The following CDC123 variants were observed in gnomAD, a reference collection of about 807,000 sequenced individuals.
The protein encoded by CDC123 is cell division cycle 123.
In CDC123, 37 loss-of-function variants were observed where a neutral mutation model predicts 54.4. The observed-to-expected ratio is 0.68, with a 90% CI of 0.52 to 0.89. The LOEUF (loss-of-function observed/expected upper bound fraction) is 0.89, where lower values mean the gene tolerates loss of function less well. Ranked by LOEUF, CDC123 falls within the 40% of genes least tolerant of loss-of-function variation. CDC123 has a pLI of 0.00. For missense variants in CDC123, 361 were observed against 412.1 expected, an observed-to-expected ratio of 0.88 and a Z score of 1.07; for synonymous variants, 144 against 136.8, an observed-to-expected ratio of 1.05 and a Z score of -0.37.
At chr10:12,210,156 A>G (rs1012873509) in intron 3 of CDC123, 132 bp downstream of exon 3, 130 of 1,422,270 alleles carry the variant, frequency 9.1e-5, no homozygotes, top group Admixed American at 7.8e-4. Flanking sequence ...ACTTTGACAT[A>G]TATTTTCACA....
intron 4 of CDC123, among the ~76,000 whole-genome samples, chr10:12,214,497 C>T (rs1033677470): frequency 5.3e-5 from 8 of 152,138 alleles, no homozygotes; most frequent in African/African-American, 1.2e-4. Flanking sequence ...AAGCTGAAGT[C>T]GTCTAGTGGA....
At chr10:12,243,769 G>A (rs1213625381) in intron 10 of CDC123, among the ~76,000 whole-genome samples, 2 of 150,048 alleles carry the variant, frequency 1.3e-5, no homozygotes, top group African/African-American at 4.9e-5. Context: ...GAGTGACAGA[G>A]CGAGACTCCA....
intron 6 of CDC123, among the ~76,000 whole-genome samples, chr10:12,229,169 G>A (rs1835866803): frequency 6.6e-6 from 1 of 152,230 alleles, no homozygotes; most frequent in Non-Finnish European, 1.5e-5. Flanking sequence ...CCAGGTTGCT[G>A]CCCTTCCCCT....
rs748060572 is a variant in CDC123 at position 12,210,284 on chromosome 10, A to G, written c.205-6A>G. On this transcript the variant is annotated splice_polypyrimidine_tract_variant and splice_region_variant and intron_variant, in intron 3 of 12. Transcript: ENST00000281141. ...ATGTTTTATTTTTTTCCTCTTTTTC[A>G]TGCAGTGGTCTGATGATGAGAACAC... The G allele has an allele frequency of 1.6e-5, 26 of 1,613,840 alleles. No homozygotes were observed. Among genetic ancestry groups the G allele is most frequent in the Middle Eastern group, 1.6e-4 (1 of 6,084 alleles).
intron 2 of CDC123, among the ~76,000 whole-genome samples, chr10:12,200,661 G>A (rs1267201509): frequency 1.3e-5 from 2 of 152,020 alleles, no homozygotes; most frequent in Admixed American, 6.6e-5. Context: ...GGCTGGGCGC[G>A]GTGGCTCATG....
At chr10:12,226,842 C>A (rs1254941092) in intron 6 of CDC123, among the ~76,000 whole-genome samples, 1 of 152,130 alleles carries the variant, frequency 6.6e-6, no homozygotes, top group African/African-American at 2.4e-5. Context: ...CTCCTTGCTT[C>A]CCAGACGGGG....
chr10:12,210,067 T>C (rs770877941), intron 3 of CDC123, 43 bp downstream of exon 3: 19 of 1,592,512 alleles, frequency 1.2e-5, no homozygotes, highest in Non-Finnish European at 1.6e-5. Flanking sequence ...ACTGTTGTAA[T>C]TTAAATGATC....
intron 4 of CDC123, among the ~76,000 whole-genome samples, chr10:12,213,870 G>C (rs1037926322): frequency 3.9e-5 from 6 of 152,298 alleles, no homozygotes; most frequent in African/African-American, 7.2e-5. Flanking sequence ...TGGGAGAAAA[G>C]ACAATTGGAC....
chr10:12,209,966 G>A lies in CDC123; in HGVS notation c.147-1G>A. 1 of 1,614,000 alleles carries A rather than the reference G, an allele frequency of 6.2e-7. No individual in the cohort carries two copies. Among genetic ancestry groups the A allele is most frequent in the Non-Finnish European group, 8.5e-7 (1 of 1,179,944 alleles). On this transcript the variant is annotated splice_acceptor_variant, in intron 2 of 12. Transcript: ENST00000281141. LOFTEE classifies it high-confidence loss of function. Reference sequence around the variant, plus strand: ...CTTGATGTTTGTTTGTGTTTTTTTAGGGATGATCCACCAACACATTCTCAG... The same window carrying A: ...CTTGATGTTTGTTTGTGTTTTTTTAAGGATGATCCACCAACACATTCTCAG...
At position 12,208,942 on chromosome 10, in the gene CDC123, C is replaced by T. The variant is rs143859174; in HGVS notation, c.147-1025C>T. Among the ~76,000 whole-genome samples, 715 of 152,258 alleles carry T rather than the reference C, an allele frequency of 4.7e-3. 7 individuals are homozygous for T. Among genetic ancestry groups the T allele is most frequent in the African/African-American group, 0.016 (672 of 41,542 alleles). ...GCAGAATGAATTTCTGACACCAGCC[C>T]GCACACCCTGTTTTCACTGTGCAAA... On this transcript the variant is annotated intron_variant, in intron 2 of 12. Transcript: ENST00000281141.
At chr10:12,200,576 T>C (rs1199231138) in intron 2 of CDC123, among the ~76,000 whole-genome samples, 3 of 152,236 alleles carry the variant, frequency 2.0e-5, no homozygotes, top group South Asian at 4.1e-4. Flanking sequence ...AGAGCTCCTA[T>C]GATGATTCTC....
intron 2 of CDC123, among the ~76,000 whole-genome samples, chr10:12,204,696 A>G (rs1835490658): frequency 6.6e-6 from 1 of 152,130 alleles, no homozygotes; most frequent in Non-Finnish European, 1.5e-5. Flanking sequence ...TGTTCTGTCA[A>G]GTAGTAGGTC....
chr10:12,200,701 G>A (rs1835428302), intron 2 of CDC123, among the ~76,000 whole-genome samples: 1 of 151,988 alleles, frequency 6.6e-6, no homozygotes, highest in Admixed American at 6.6e-5. Context: ...GGGAGGCCGA[G>A]TTGGGTGGAT....
At chr10:12,248,559 A>G (rs984514442) in intron 11 of CDC123, among the ~76,000 whole-genome samples, 1 of 151,402 alleles carries the variant, frequency 6.6e-6, no homozygotes, top group Non-Finnish European at 1.5e-5. Flanking sequence ...TAATCCCAGT[A>G]CTTTGGGAGG....
At chr10:12,249,516 T>C in intron 11 of CDC123, 65 bp from the exon 12 acceptor site, 1 of 1,503,740 alleles carries the variant, frequency 6.7e-7, no homozygotes, top group Admixed American at 2.0e-5. Context: ...GGTTCTTTTT[T>C]AGTTCACAGA....
chr10:12,209,033 C>T (rs188845158), intron 2 of CDC123, among the ~76,000 whole-genome samples: 47 of 152,270 alleles, frequency 3.1e-4, no homozygotes, highest in African/African-American at 9.4e-4. Flanking sequence ...TTCAGACATT[C>T]GCTTCTGGTG....
chr10:12,212,869 C>G (rs1401479479), intron 4 of CDC123, among the ~76,000 whole-genome samples: 2 of 152,168 alleles, frequency 1.3e-5, no homozygotes, highest in Non-Finnish European at 2.9e-5. Context: ...ATTCTGAAAT[C>G]CAAAACACTT....
chr10:12,217,488 C>T (rs1564436031), intron 6 of CDC123, 21 bp downstream of exon 6: 1 of 1,608,270 alleles, frequency 6.2e-7, no homozygotes, highest in African/African-American at 1.3e-5. Context: ...CTTATTCTCT[C>T]ATGTCAATAG....
intron 10 of CDC123, among the ~76,000 whole-genome samples, chr10:12,243,950 G>A (rs1457501921): frequency 1.3e-5 from 2 of 152,160 alleles, no homozygotes; most frequent in Non-Finnish European, 2.9e-5. Flanking sequence ...ATAGTTCCAG[G>A]AATGAAGAAG....
Sources: gnomAD v4.1 joint callset for allele counts (sites outside exome capture counted in the v4.1 genomes callset) on GRCh38, gnomAD v4.1.1 for gene constraint, MANE v1.5 for transcripts, NCBI Gene and HGNC (gene_info 2026-07-23, HGNC 2026-07-21) for gene names.